RNF11: variants seen among roughly 807,000 people sequenced by gnomAD.
The protein encoded by RNF11 is ring finger protein 11.
A neutral mutation model predicts 15.8 loss-of-function variants in RNF11; 4 were observed. The ratio of observed to expected loss-of-function variants is 0.25; its 90% CI spans 0.12 to 0.58. RNF11 has a LOEUF of 0.58. Among genes scored for constraint, RNF11 ranks in the 20% least tolerant of loss-of-function variants. The probability of loss-of-function intolerance (pLI) is 0.91; values close to 1 mark genes in which losing one functional copy is unlikely to be tolerated. For synonymous variants in RNF11, 68 were observed against 72.3 expected (o/e 0.94, Z 0.30); for missense variants, 139 against 194.4 (o/e 0.71, Z 1.70).
chr1:51,242,325 C>CTTTTTTTTTTTT (rs57821900), intron 1 of RNF11, among the ~76,000 whole-genome samples: 4 of 131,142 alleles, frequency 3.1e-5, no homozygotes, highest in African/African-American at 1.1e-4. Context: ...TTCAAGATAC[C>CTTTTTTTTTTTT]TTTTTTTTTT....
chr1:51,238,265 C>G (rs1206031669), intron 1 of RNF11, among the ~76,000 whole-genome samples: 5 of 152,254 alleles, frequency 3.3e-5, no homozygotes, highest in Admixed American at 2.0e-4. Context: ...TGTGTCCCCA[C>G]TGAAACCTCT....
intron 2 of RNF11, among the ~76,000 whole-genome samples, chr1:51,270,604 A>C (rs565371634): frequency 6.6e-6 from 1 of 152,254 alleles, no homozygotes; most frequent in Admixed American, 6.5e-5. Context: ...GCTTTAACTT[A>C]CAGCAACCCA....
intron 1 of RNF11, among the ~76,000 whole-genome samples, chr1:51,269,476 T>C (rs1646969098): frequency 6.6e-6 from 1 of 152,174 alleles, no homozygotes. Context: ...AATTGTTTTG[T>C]TGTGTAAAAA....
rs200266235 is a variant in RNF11, at chr1:51,237,422, GTGTA to G, written c.123+545_123+548del. Among the ~76,000 whole-genome samples the G allele has an allele frequency of 9.2e-3, 1,322 of 143,628 alleles. 20 individuals carry two copies. The highest frequency in any genetic ancestry group is 0.033 in the African/African-American group (1,280 of 39,090). The allele number at this position is 143,628 out of a possible 152,430, so 94.2% of individuals were successfully genotyped here. On this transcript the variant is annotated intron_variant, in intron 1 of 2. Transcript: ENST00000242719. ...GCGACATCGAGTTACTTGTGTGTGTGTGTATATATATATATATGTGTATATATAT... is the reference window on the plus strand; with the variant it reads ...GCGACATCGAGTTACTTGTGTGTGTGTATATATATATATGTGTATATATAT...
At chr1:51,248,586 A>G (rs1437121620) in intron 1 of RNF11, among the ~76,000 whole-genome samples, 1 of 152,194 alleles carries the variant, frequency 6.6e-6, no homozygotes, top group Admixed American at 6.5e-5. Flanking sequence ...CTAGGAGCCT[A>G]CAGTTAAGGG....
Position 51,259,275 on chromosome 1 carries a change from A to G in RNF11, c.124-10681A>G, listed in dbSNP as rs114755703. Among the ~76,000 whole-genome samples the G allele has an allele frequency of 3.0e-3, 455 of 152,308 alleles. 2 individuals carry two copies. The highest frequency in any genetic ancestry group is 9.8e-3 in the African/African-American group (408 of 41,566). ...AGAATTGTCTTACTAAAATGTCAGT[A>G]TTGCCCAGGTTGAGAAGCCCTTCAC... On this transcript the variant is annotated intron_variant, in intron 1 of 2. Transcript: ENST00000242719.
intron 1 of RNF11, among the ~76,000 whole-genome samples, chr1:51,246,812 C>T (rs1194973210): frequency 6.6e-6 from 1 of 151,832 alleles, no homozygotes; most frequent in Non-Finnish European, 1.5e-5. Flanking sequence ...TTATGTAATA[C>T]CACTGAACTA....
intron 1 of RNF11, among the ~76,000 whole-genome samples, chr1:51,242,072 T>A (rs1170710087): frequency 6.6e-6 from 1 of 152,216 alleles, no homozygotes; most frequent in Non-Finnish European, 1.5e-5. Context: ...TTCCCCGACC[T>A]ATACTTTTTG....
At chr1:51,267,002 C>T (rs1044867054) in intron 1 of RNF11, among the ~76,000 whole-genome samples, 1 of 152,124 alleles carries the variant, frequency 6.6e-6, no homozygotes, top group Non-Finnish European at 1.5e-5. Flanking sequence ...AATCTCAGCA[C>T]TTTGGGAGGC....
Position 51,236,729 on chromosome 1 carries a change from C to T in RNF11, c.-28C>T, listed in dbSNP as rs749608580. 9 of 1,608,572 alleles carry T rather than the reference C, an allele frequency of 5.6e-6. No homozygotes were observed. The East Asian group carries it at 6.8e-5, about 12-fold the overall frequency. On this transcript the variant is annotated 5_prime_UTR_variant, in exon 1 of 3. Transcript: ENST00000242719. ...CGACCCCACCGCTGCTTTCTCCTCC[C>T]CCAGATCACGCACCCCAGCTCCGGA...
intron 1 of RNF11, among the ~76,000 whole-genome samples, chr1:51,253,641 G>A (rs1370959762): frequency 1.3e-5 from 2 of 151,992 alleles, no homozygotes; most frequent in Non-Finnish European, 2.9e-5. Context: ...CTCTGTACCC[G>A]CGTTCTAGAG....
At chr1:51,239,746 C>G (rs1025404330) in intron 1 of RNF11, among the ~76,000 whole-genome samples, 7 of 152,076 alleles carry the variant, frequency 4.6e-5, no homozygotes, top group African/African-American at 1.7e-4. Context: ...ATAAAAGTAA[C>G]TTTTTCAACA....
At chr1:51,248,974 A>G (rs547153001) in intron 1 of RNF11, among the ~76,000 whole-genome samples, 14 of 152,336 alleles carry the variant, frequency 9.2e-5, no homozygotes, top group African/African-American at 2.9e-4. Context: ...ATAACATTGT[A>G]TTAGGTATTA....
At chr1:51,265,635 G>A (rs1056709513) in intron 1 of RNF11, among the ~76,000 whole-genome samples, 4 of 152,194 alleles carry the variant, frequency 2.6e-5, no homozygotes, top group Non-Finnish European at 5.9e-5. Flanking sequence ...GCAAGCCCAT[G>A]TGTCTCCTAA....
chr1:51,253,422 T>G (rs2148069467), intron 1 of RNF11, among the ~76,000 whole-genome samples: 1 of 151,256 alleles, frequency 6.6e-6, no homozygotes, highest in South Asian at 2.1e-4. Flanking sequence ...ACTTGGAAGA[T>G]TGAGGCAGGA....
intron 1 of RNF11, among the ~76,000 whole-genome samples, chr1:51,265,581 A>G (rs1335706493): frequency 6.6e-6 from 1 of 152,208 alleles, no homozygotes; most frequent in Non-Finnish European, 1.5e-5. Context: ...TTTATTTGAA[A>G]TTTGCTTCTC....
intron 1 of RNF11, among the ~76,000 whole-genome samples, chr1:51,259,159 C>T (rs917635190): frequency 6.6e-6 from 1 of 152,148 alleles, no homozygotes; most frequent in African/African-American, 2.4e-5. Context: ...TTGGTTGTCA[C>T]AATGTGGCAG....
At chr1:51,262,981 G>A (rs1646937708) in intron 1 of RNF11, among the ~76,000 whole-genome samples, 1 of 152,090 alleles carries the variant, frequency 6.6e-6, no homozygotes, top group Non-Finnish European at 1.5e-5. Flanking sequence ...TTAAGTTTAA[G>A]CAATGCTGTA....
chr1:51,242,284 A>G (rs1646832744), intron 1 of RNF11, among the ~76,000 whole-genome samples: 1 of 150,190 alleles, frequency 6.7e-6, no homozygotes, highest in Non-Finnish European at 1.5e-5. Flanking sequence ...AACATTTTGG[A>G]TATTTCAAAT....
Sources: allele counts gnomAD v4.1 joint callset (sites outside exome capture counted in the v4.1 genomes callset), GRCh38; gene constraint gnomAD v4.1.1; transcripts MANE v1.5; gene names NCBI Gene and HGNC (gene_info 2026-07-23, HGNC 2026-07-21).